KALRN: variants seen among roughly 807,000 people sequenced by gnomAD.
The protein encoded by KALRN is kalirin.
A neutral mutation model predicts 353.7 loss-of-function variants in KALRN; 70 were observed. The ratio of observed to expected loss-of-function variants is 0.20; its 90% CI spans 0.16 to 0.24. The LOEUF is 0.24. Among genes scored for constraint, KALRN ranks in the 10% least tolerant of loss-of-function variants. The probability of loss-of-function intolerance (pLI) is 1.00; values close to 1 mark genes in which losing one functional copy is unlikely to be tolerated. For synonymous variants in KALRN, 1,391 were observed against 1,434.8 expected (o/e 0.97, Z 0.69); for missense variants, 2,791 against 3,756.7 (o/e 0.74, Z 6.72).
intron 33 of KALRN, among the ~76,000 whole-genome samples, chr3:124,527,533 C>T (rs974444431): frequency 2.0e-5 from 3 of 151,780 alleles, no homozygotes; most frequent in African/African-American, 7.3e-5. Context: ...CGCTTGAAAC[C>T]AGGAGGCAGA....
In KALRN at chr3:124,496,267, T is replaced by C. The variant is rs555343639; in HGVS notation, c.4833-44T>C. ...CTTGTGTGCTCTAAACCCACAGTGG[T>C]TCCCCCCACCCCCACCCCTGTTTTT... On this transcript the variant is annotated intron_variant, in intron 32 of 59. Coordinates refer to ENST00000682506, the MANE Select transcript of KALRN (RefSeq NM_001388419.1). 793 of 1,493,234 alleles carry C rather than the reference T, an allele frequency of 5.3e-4. 10 individuals carry two copies. In the South Asian group the frequency reaches 8.5e-3, roughly 16 times the overall value. 92.5% of individuals were successfully genotyped at this position (1,493,234 alleles called of 1,614,324 possible). A position where few individuals can be genotyped will look rare whatever the true frequency, so the allele number is the denominator to read the frequency against.
At chr3:124,144,217 G>A (rs2066993185) in intron 1 of KALRN, among the ~76,000 whole-genome samples, 1 of 152,178 alleles carries the variant, frequency 6.6e-6, no homozygotes, top group Non-Finnish European at 1.5e-5. Flanking sequence ...AGAGGTTGGA[G>A]AGGAGGCTGG....
intron 57 of KALRN, among the ~76,000 whole-genome samples, chr3:124,703,364 G>C (rs996114829): frequency 6.6e-6 from 1 of 152,084 alleles, no homozygotes; most frequent in Non-Finnish European, 1.5e-5. Flanking sequence ...AGTATCTATA[G>C]TATTCTAGAT....
At chr3:124,338,048 T>C (rs1030485740) in intron 9 of KALRN, among the ~76,000 whole-genome samples, 3 of 152,200 alleles carry the variant, frequency 2.0e-5, no homozygotes, top group African/African-American at 7.2e-5. Context: ...TTAGTCTGGC[T>C]AGTGATCTAT....
intron 33 of KALRN, among the ~76,000 whole-genome samples, chr3:124,537,948 G>C (rs1042077943): frequency 6.6e-6 from 1 of 152,108 alleles, no homozygotes; most frequent in African/African-American, 2.4e-5. Context: ...GAATGTAAAG[G>C]GTTTAGAAGA....
intron 4 of KALRN, among the ~76,000 whole-genome samples, chr3:124,265,934 G>C (rs1280921814): frequency 6.6e-6 from 1 of 152,008 alleles, no homozygotes; most frequent in Non-Finnish European, 1.5e-5. Context: ...TGGCCAACAT[G>C]GTGAAACCCT....
In KALRN at chr3:124,619,528, C is replaced by G. The variant is rs151034690; in HGVS notation, c.5183-12892C>G. 5.6e-3 allele frequency among the ~76,000 whole-genome samples: 720 copies of G among 127,858 alleles called. 8 individuals carry two copies. The highest frequency in any genetic ancestry group is 0.013 in the Middle Eastern group (2 of 150). The allele number at this position is 127,858 out of a possible 152,430, so 83.9% of individuals were successfully genotyped here. ...TTGAGATAGAGTTTTACTCTCGTTG[C>G]CCAGGCTGGAGTGCAATGGCGTGAT... On this transcript the variant is annotated intron_variant, in intron 34 of 59. Transcript: ENST00000682506.
At chr3:124,690,801 C>T (rs1044367558) in intron 51 of KALRN, among the ~76,000 whole-genome samples, 2 of 152,196 alleles carry the variant, frequency 1.3e-5, no homozygotes, top group Admixed American at 6.5e-5. Flanking sequence ...GTAATCCGCC[C>T]GCCTGGGCCT....
chr3:124,422,152 G>A (rs2092810631), intron 14 of KALRN, among the ~76,000 whole-genome samples: 1 of 152,260 alleles, frequency 6.6e-6, no homozygotes, highest in South Asian at 2.1e-4. Flanking sequence ...GTATTGCTGG[G>A]TTGTATTTAT....
intron 32 of KALRN, among the ~76,000 whole-genome samples, chr3:124,494,040 G>C (rs1180928780): frequency 6.6e-6 from 1 of 152,180 alleles, no homozygotes; most frequent in Non-Finnish European, 1.5e-5. Flanking sequence ...GATGGTCTAG[G>C]ATCATAGTGA....
rs2062367027 is a variant in KALRN at position 124,702,047 on chromosome 3, C to T, written c.8006C>T (p.Ala2669Val). 1 of 1,613,144 alleles carries T rather than the reference C, an allele frequency of 6.2e-7. No individual in the cohort carries two copies. The highest frequency in any genetic ancestry group is 8.5e-7 in the Non-Finnish European group (1 of 1,179,426). The change falls in exon 57 of 60, where the codon GCT becomes GTT. Residue 2669 changes from alanine (A) to valine (V), a missense_variant. Around this residue, in one of 11 missense-constraint regions of KALRN, gnomAD observed 188 missense variants for 402.9 expected, o/e 0.47. Transcript: ENST00000682506. ...FVRLPEYDAA[A>V]DGATISWKEN... The stretch of plus-strand genomic sequence containing the variant: ...TCTCTTTCTTCCGAAGATGCTGCTG[C>T]TGATGGTGCCACCATTTCTTGGAAG...
chr3:124,318,253 GGT>G (rs2078998523), intron 6 of KALRN, among the ~76,000 whole-genome samples: 3 of 152,274 alleles, frequency 2.0e-5, no homozygotes, highest in Middle Eastern at 3.4e-3. Flanking sequence ...GCCTCCACAT[GGT>G]TTGGCCTACT....
At chr3:124,142,585 TG>T (rs1177146928) in intron 1 of KALRN, among the ~76,000 whole-genome samples, 3 of 152,188 alleles carry the variant, frequency 2.0e-5, no homozygotes, top group Admixed American at 6.5e-5. Context: ...CAGTGGTTCC[TG>T]GGGCTGTCCC....
chr3:124,368,394 C>T (rs1178982103), intron 10 of KALRN, among the ~76,000 whole-genome samples: 4 of 145,020 alleles, frequency 2.8e-5, no homozygotes, highest in South Asian at 2.2e-4. Context: ...GGGTCGCGGC[C>T]GGGCAGAGGC....
At chr3:124,665,367 C>T (rs1414525935) in intron 45 of KALRN, among the ~76,000 whole-genome samples, 1 of 152,220 alleles carries the variant, frequency 6.6e-6, no homozygotes, top group South Asian at 2.1e-4. Flanking sequence ...TAGAAACTGG[C>T]AAACCAAATA....
chr3:124,484,333 A>C (rs1031919249), intron 28 of KALRN, among the ~76,000 whole-genome samples: 2 of 152,178 alleles, frequency 1.3e-5, no homozygotes, highest in African/African-American at 4.8e-5. Flanking sequence ...GGGCCGTGCC[A>C]CATCATTTCC....
rs575776197 is a variant in KALRN, at chr3:124,633,933, G to A, written c.5548G>A (p.Asp1850Asn). ...LPPPMKIFDN[D>N]PTQDEMSSSL... ...ACCACCTATGAAGATTTTTGACAAC[G>A]ACCCTACACAGGATGAAATGGTAGA... The change falls in exon 36 of 60, where the codon GAC becomes AAC. Residue 1850 changes from aspartate to asparagine, a missense_variant. Asp to Asn is a conservative substitution (Grantham distance 23). Coordinates refer to ENST00000682506, the MANE Select transcript of KALRN (RefSeq NM_001388419.1). 10 of 1,613,822 alleles carry A rather than the reference G, an allele frequency of 6.2e-6. No individual in the cohort carries two copies. The highest frequency in any genetic ancestry group is 3.3e-5 in the Admixed American group (2 of 60,016).
chr3:124,603,036 G>A (rs1240012266), intron 34 of KALRN, among the ~76,000 whole-genome samples: 1 of 152,082 alleles, frequency 6.6e-6, no homozygotes, highest in Admixed American at 6.6e-5. Flanking sequence ...CTGAAACCAT[G>A]GGATGGGTTA....
intron 27 of KALRN, among the ~76,000 whole-genome samples, chr3:124,480,123 T>C (rs1200335018): frequency 6.6e-6 from 1 of 152,162 alleles, no homozygotes; most frequent in Non-Finnish European, 1.5e-5. Flanking sequence ...CAGCTTTCCT[T>C]AAGCTGGGCT....
Sources: allele counts gnomAD v4.1 joint callset (sites outside exome capture counted in the v4.1 genomes callset), GRCh38; gene constraint gnomAD v4.1.1; regional missense constraint gnomAD v4.1.1; transcripts MANE v1.5; gene names NCBI Gene and HGNC (gene_info 2026-07-23, HGNC 2026-07-21).